PDE4D: variants seen among roughly 807,000 people sequenced by gnomAD.
The protein encoded by PDE4D is 3',5'-cyclic-AMP phosphodiesterase 4D.
In PDE4D, 24 loss-of-function variants were observed where a neutral mutation model predicts 87.4. The ratio of observed to expected loss-of-function variants is 0.27; its 90% CI spans 0.20 to 0.39. PDE4D has a LOEUF of 0.39. PDE4D is among the 10% of genes least tolerant of loss of function. PDE4D has a pLI of 1.00. For missense variants in PDE4D, 714 were observed against 1,041.0 expected (o/e 0.69, Z 4.32); for synonymous variants, 384 against 383.2 (o/e 1.00, Z -0.02).
intron 1 of PDE4D, among the ~76,000 whole-genome samples, chr5:59,329,649 A>G (rs1478715064): frequency 6.6e-6 from 1 of 152,218 alleles, no homozygotes; most frequent in African/African-American, 2.4e-5. Context: ...TATCTGCCAA[A>G]TGGAACCAGA....
At chr5:59,115,842 T>C (rs895252991) in intron 5 of PDE4D, among the ~76,000 whole-genome samples, 4 of 152,204 alleles carry the variant, frequency 2.6e-5, no homozygotes, top group African/African-American at 9.6e-5. Flanking sequence ...CCACAAAACC[T>C]ACATGGTTTG....
intron 1 of PDE4D, among the ~76,000 whole-genome samples, chr5:60,223,892 TCA>T (rs750857741): frequency 2.6e-5 from 4 of 152,088 alleles, no homozygotes; most frequent in Non-Finnish European, 5.9e-5. Flanking sequence ...TTCAGACAAA[TCA>T]CAGTTTCTTC....
chr5:59,232,587 T>G (rs1755471339), intron 1 of PDE4D, among the ~76,000 whole-genome samples: 7 of 150,892 alleles, frequency 4.6e-5, no homozygotes, highest in Non-Finnish European at 7.4e-5. Flanking sequence ...TAAATTAATA[T>G]GGCCATTATG....
intron 1 of PDE4D, among the ~76,000 whole-genome samples, chr5:59,763,319 TATAATA>T: frequency 6.6e-6 from 1 of 151,658 alleles, no homozygotes; most frequent in Admixed American, 6.6e-5. Context: ...AAACTTAAAG[TATAATA>T]ATAATAAAAT....
intron 1 of PDE4D, among the ~76,000 whole-genome samples, chr5:60,193,562 C>G (rs558211903): frequency 2.1e-5 from 3 of 143,708 alleles, no homozygotes; most frequent in African/African-American, 7.7e-5. Context: ...CCCAGCTACT[C>G]GGGAGGCTGA....
Position 60,422,637 on chromosome 5 carries a change from T to A in PDE4D, c.-90+65305A>T, listed in dbSNP as rs566514972. Among the ~76,000 whole-genome samples, 276 of 152,284 alleles carry A rather than the reference T, an allele frequency of 1.8e-3. 1 individual carries two copies. The highest frequency in any genetic ancestry group is 6.4e-3 in the African/African-American group (267 of 41,562). Reference sequence around the variant, plus strand: ...GACACCATGAAGAAACTGCATCAACTAATGGGCAAAATAACCAGCTAACAT... The same window carrying A: ...GACACCATGAAGAAACTGCATCAACAAATGGGCAAAATAACCAGCTAACAT... On this transcript the variant is annotated intron_variant, in intron 1 of 16. Transcript: ENST00000502484.
At chr5:60,370,624 T>C (rs1760941623) in intron 1 of PDE4D, among the ~76,000 whole-genome samples, 1 of 152,192 alleles carries the variant, frequency 6.6e-6, no homozygotes, top group Non-Finnish European at 1.5e-5. Flanking sequence ...TTGAAAGCAA[T>C]TTTGGAAATT....
chr5:59,756,810 CTTTTTTTT>C (rs5868192), intron 1 of PDE4D, among the ~76,000 whole-genome samples: 2 of 132,268 alleles, frequency 1.5e-5, no homozygotes, highest in African/African-American at 5.7e-5. Flanking sequence ...GAGGTTCTTA[CTTTTTTTT>C]TTTTTTTTTT....
At chr5:59,078,763 C>T (rs542162461) in intron 5 of PDE4D, among the ~76,000 whole-genome samples, 4 of 152,190 alleles carry the variant, frequency 2.6e-5, no homozygotes, top group Non-Finnish European at 5.9e-5. Context: ...GATCCACCCA[C>T]CTCAGCCTCC....
At chr5:59,073,500 T>TG (rs1441125670) in intron 5 of PDE4D, among the ~76,000 whole-genome samples, 6 of 804 alleles carry the variant, frequency 7.5e-3, no homozygotes, top group African/African-American at 0.013. Context: ...GAAAATAAAG[T>TG]GGGGGGCGGG....
intron 3 of PDE4D, among the ~76,000 whole-genome samples, chr5:59,935,022 G>A (rs1254642636): frequency 6.6e-6 from 1 of 152,134 alleles, no homozygotes; most frequent in African/African-American, 2.4e-5. Flanking sequence ...ATAACCTGGT[G>A]GTTGTGGGCA....
intron 2 of PDE4D, among the ~76,000 whole-genome samples, chr5:60,128,895 A>C (rs1779347238): frequency 6.6e-6 from 1 of 152,224 alleles, no homozygotes; most frequent in Non-Finnish European, 1.5e-5. Context: ...TGAATGGGTT[A>C]GAATAATTCA....
chr5:59,213,246 C>A (rs1750480919), intron 2 of PDE4D, among the ~76,000 whole-genome samples: 2 of 151,620 alleles, frequency 1.3e-5, no homozygotes, highest in Non-Finnish European at 2.9e-5. Flanking sequence ...CTCACTGCAA[C>A]CCTGAACTCC....
intron 1 of PDE4D, among the ~76,000 whole-genome samples, chr5:59,233,029 G>A (rs2153518023): frequency 6.6e-6 from 1 of 152,234 alleles, no homozygotes; most frequent in South Asian, 2.1e-4. Flanking sequence ...CTACCAGGAG[G>A]AGGGGAATGA....
At position 59,939,752 on chromosome 5, in the gene PDE4D, G is replaced by A. The variant is rs143394012; in HGVS notation, c.272+48736C>T. On this transcript the variant is annotated intron_variant, in intron 3 of 16. Transcript: ENST00000502484. ...TGTGAAGGAAGGAAGGAAAGCAGAC[G>A]GGGGTACCTAACTGTAGAGGACCTT... is the stretch of plus-strand genomic sequence containing the variant. Among the ~76,000 whole-genome samples, 965 of 152,166 alleles carry A rather than the reference G, an allele frequency of 6.3e-3. 8 individuals are homozygous for A. The highest frequency in any genetic ancestry group is 0.022 in the African/African-American group (900 of 41,510).
At chr5:59,732,493 C>A (rs1212018809) in intron 1 of PDE4D, among the ~76,000 whole-genome samples, 1 of 151,708 alleles carries the variant, frequency 6.6e-6, no homozygotes, top group Non-Finnish European at 1.5e-5. Context: ...ACCAAAGGGG[C>A]TTTGTTTTGA....
intron 1 of PDE4D, among the ~76,000 whole-genome samples, chr5:60,331,743 A>G (rs1477689622): frequency 6.6e-6 from 1 of 152,188 alleles, no homozygotes; most frequent in Non-Finnish European, 1.5e-5. Context: ...TGGGCAGGGA[A>G]TATTGTTGCT....
intron 5 of PDE4D, among the ~76,000 whole-genome samples, chr5:59,047,305 A>G (rs951514281): frequency 1.3e-5 from 2 of 152,240 alleles, no homozygotes; most frequent in African/African-American, 2.4e-5. Context: ...ACAGGGATTC[A>G]TTCTGAAGAA....
At chr5:60,262,818 G>A (rs528780090) in intron 1 of PDE4D, among the ~76,000 whole-genome samples, 1 of 152,208 alleles carries the variant, frequency 6.6e-6, no homozygotes, top group South Asian at 2.1e-4. Context: ...TCACACTAAG[G>A]GTGGGGATAG....
Sources: gnomAD v4.1 joint callset for allele counts (sites outside exome capture counted in the v4.1 genomes callset) on GRCh38, gnomAD v4.1.1 for gene constraint, MANE v1.5 for transcripts, NCBI Gene and HGNC (gene_info 2026-07-23, HGNC 2026-07-21) for gene names.